NFIB: variants seen among roughly 807,000 people sequenced by gnomAD.
NFIB encodes the protein nuclear factor 1 B-type.
NFIB carries 11 observed loss-of-function variants against 61.5 expected under a neutral mutation model. The ratio of observed to expected loss-of-function variants is 0.18; its 90% CI spans 0.11 to 0.30. The LOEUF (loss-of-function observed/expected upper bound fraction) is 0.30, where lower values mean the gene tolerates loss of function less well. NFIB is among the 10% of genes least tolerant of loss of function. NFIB has a pLI of 1.00. For missense variants in NFIB, 471 were observed against 608.9 expected (o/e 0.77, Z 2.38); for synonymous variants, 260 against 216.5 (o/e 1.20, Z -1.76).
At chr9:14,395,507 C>T (rs2061673976) in intron 1 of NFIB, among the ~76,000 whole-genome samples, 1 of 151,840 alleles carries the variant, frequency 6.6e-6, no homozygotes, top group Admixed American at 6.6e-5. Flanking sequence ...GACATGAAGC[C>T]ACATGTTTTT....
intron 1 of NFIB, among the ~76,000 whole-genome samples, chr9:14,394,159 G>A (rs2061655898): frequency 6.6e-6 from 1 of 152,094 alleles, no homozygotes. Flanking sequence ...CCCTCAAAGA[G>A]GTCCCAATCT....
At chr9:14,222,823 GA>G (rs1428992749) in intron 2 of NFIB, among the ~76,000 whole-genome samples, 1 of 119,114 alleles carries the variant, frequency 8.4e-6, no homozygotes, top group Non-Finnish European at 1.8e-5. Flanking sequence ...AGAAAGAAAA[GA>G]AAAAGAAATC....
In NFIB at chr9:14,082,777, A is replaced by G. The variant is rs1359386030; in HGVS notation, c.*5532T>C. Reference sequence around the variant, plus strand: ...ATAAAAAGCCATACTTCTTAAAAAAAAAAAAAAGAAAAAAAAAGACTTCCT... The same window carrying G: ...ATAAAAAGCCATACTTCTTAAAAAAGAAAAAAAGAAAAAAAAAGACTTCCT... On this transcript the variant is annotated 3_prime_UTR_variant, in exon 11 of 11. Coordinates refer to ENST00000380953, the MANE Select transcript of NFIB (RefSeq NM_001190737.2). 4 of 198,114 alleles carry G rather than the reference A, an allele frequency of 2.0e-5. No individual in the cohort carries two copies. Among genetic ancestry groups the G allele is most frequent in the Non-Finnish European group, 3.1e-5 (3 of 95,810 alleles). The allele number at this position is 198,114 out of a possible 1,614,324, so 12.3% of individuals were successfully genotyped here.
At chr9:14,118,643 A>G (rs981434118) in intron 8 of NFIB, among the ~76,000 whole-genome samples, 2 of 152,242 alleles carry the variant, frequency 1.3e-5, no homozygotes, top group South Asian at 4.1e-4. Flanking sequence ...CATACTGTAG[A>G]TAGAAAAGAG....
At position 14,313,370 on chromosome 9, in the gene NFIB, A is replaced by G; in HGVS notation, c.30+112T>C. On this transcript the variant is annotated intron_variant, in intron 1 of 10. Coordinates refer to ENST00000380953, the MANE Select transcript of NFIB (RefSeq NM_001190737.2). This position sits in a 1 kb window ranked among gnomAD's most constrained non-coding sequence, Gnocchi z 4.5. ...CGCTGCAACTCCGGGCCACTTCTCC[A>G]AGGGACGGGGATGTGCGGAGGTTAA... is the stretch of plus-strand genomic sequence containing the variant. 1.4e-6 allele frequency: 2 copies of G among 1,472,344 alleles called. No homozygotes were observed. The highest frequency in any genetic ancestry group is 1.2e-5 in the South Asian group (1 of 83,048). 91.2% of individuals were successfully genotyped at this position (1,472,344 alleles called of 1,614,324 possible).
chr9:14,512,520 T>C, the NFIB span, among the ~76,000 whole-genome samples: 34 of 152,306 alleles, frequency 2.2e-4, no homozygotes, highest in Admixed American at 1.5e-3. Flanking sequence ...TGGGTTTTTT[T>C]CTGTTTTGAA....
At chr9:14,184,693 AT>A (rs1242493188) in intron 2 of NFIB, among the ~76,000 whole-genome samples, 3 of 152,080 alleles carry the variant, frequency 2.0e-5, no homozygotes, top group East Asian at 1.9e-4. Context: ...AAACTGTCAA[AT>A]TTTTTTTGTA....
rs560080005 is a variant in NFIB, at chr9:14,175,201, G to A, written c.616+4526C>T. 2.6e-3 allele frequency among the ~76,000 whole-genome samples: 279 copies of A among 106,102 alleles called. 4 individuals carry two copies. The highest frequency in any genetic ancestry group is 9.4e-3 in the African/African-American group (251 of 26,744). 69.6% of individuals were successfully genotyped at this position (106,102 alleles called of 152,430 possible). On this transcript the variant is annotated intron_variant, in intron 3 of 10. Coordinates refer to ENST00000380953, the MANE Select transcript of NFIB (RefSeq NM_001190737.2). ...TTTTTTTTTTTTGAGATGGAGTCTC[G>A]CTCTGTTGTCCAGGATGGCTGGAGT... is the stretch of plus-strand genomic sequence containing the variant.
chr9:14,103,226 T>G (rs985589431), intron 10 of NFIB, among the ~76,000 whole-genome samples: 2 of 152,126 alleles, frequency 1.3e-5, no homozygotes, highest in Non-Finnish European at 2.9e-5. Context: ...CTTCAGAGAT[T>G]GTTCGAGTAA....
the NFIB span, among the ~76,000 whole-genome samples, chr9:14,471,624 G>A: frequency 2.6e-5 from 4 of 152,194 alleles, no homozygotes; most frequent in Admixed American, 2.6e-4. Flanking sequence ...TATCTACATA[G>A]TTCCCTTTAC....
chr9:14,290,957 T>TCA (rs1257751142), intron 2 of NFIB, among the ~76,000 whole-genome samples: 1 of 152,142 alleles, frequency 6.6e-6, no homozygotes, highest in Non-Finnish European at 1.5e-5. Context: ...CATCTTTTGT[T>TCA]CACCTATTTT....
intron 2 of NFIB, among the ~76,000 whole-genome samples, chr9:14,188,977 C>T (rs970866291): frequency 1.3e-5 from 2 of 152,122 alleles, no homozygotes; most frequent in African/African-American, 4.8e-5. Flanking sequence ...CAACATAAAA[C>T]AAATGCAATG....
rs568580635 is a variant in NFIB, at chr9:14,259,724, A to C, written c.562+47265T>G. Among the ~76,000 whole-genome samples the C allele has an allele frequency of 2.6e-5, 4 of 152,122 alleles. No homozygotes were observed. In the East Asian group the frequency reaches 7.7e-4, roughly 29 times the overall value. ...AAGACCAGCGTGGGAAACATGGTGA[A>C]ATCCTGTCTCTACTAAAAATACAAA... On this transcript the variant is annotated intron_variant, in intron 2 of 10. Coordinates refer to ENST00000380953, the MANE Select transcript of NFIB (RefSeq NM_001190737.2).
chr9:14,239,115 A>C (rs898689693), intron 2 of NFIB, among the ~76,000 whole-genome samples: 1 of 152,226 alleles, frequency 6.6e-6, no homozygotes, highest in Non-Finnish European at 1.5e-5. Flanking sequence ...TAAGAAACTA[A>C]AATTAAGAAA....
intron 2 of NFIB, among the ~76,000 whole-genome samples, chr9:14,262,295 G>A (rs112670529): frequency 1.3e-5 from 2 of 152,190 alleles, no homozygotes; most frequent in African/African-American, 4.8e-5. Context: ...CCCTCCCAGA[G>A]ATACCATCAA....
the NFIB span, among the ~76,000 whole-genome samples, chr9:14,510,436 TTGTG>T: frequency 6.6e-6 from 1 of 152,316 alleles, no homozygotes; most frequent in East Asian, 1.9e-4. Flanking sequence ...AAGCATGTGT[TTGTG>T]TGTGTATGAC....
At chr9:14,167,898 G>C (rs138909223) in intron 3 of NFIB, among the ~76,000 whole-genome samples, 33 of 152,282 alleles carry the variant, frequency 2.2e-4, no homozygotes, top group African/African-American at 5.8e-4. Flanking sequence ...TCTATAATTT[G>C]TCAAACTGGG....
At chr9:14,244,682 GA>G (rs1414735447) in intron 2 of NFIB, among the ~76,000 whole-genome samples, 2 of 152,070 alleles carry the variant, frequency 1.3e-5, no homozygotes, top group African/African-American at 4.8e-5. Context: ...CTCTGAATTT[GA>G]ATTTGTATAT....
chr9:14,347,686 G>T (rs528291962), intron 1 of NFIB, among the ~76,000 whole-genome samples: 3 of 152,246 alleles, frequency 2.0e-5, no homozygotes, highest in Admixed American at 2.0e-4. Context: ...GGCACTGGGG[G>T]GTCGGGTGAC....
Sources: allele counts gnomAD v4.1 joint callset (sites outside exome capture counted in the v4.1 genomes callset), GRCh38; gene constraint gnomAD v4.1.1; non-coding constraint Gnocchi (gnomAD v3.1); transcripts MANE v1.5; gene names NCBI Gene and HGNC (gene_info 2026-07-23, HGNC 2026-07-21).